TTC34: variants seen among roughly 807,000 people sequenced by gnomAD.
The protein encoded by TTC34 is tetratricopeptide repeat domain 34.
Under a neutral mutation model 40.7 loss-of-function variants are expected in TTC34, and 44 were observed. The ratio of observed to expected loss-of-function variants is 1.08; its 90% CI spans 0.85 to 1.39. The LOEUF (loss-of-function observed/expected upper bound fraction) is 1.39, where lower values mean the gene tolerates loss of function less well. Among genes scored for constraint, TTC34 ranks in the 40% most tolerant of loss-of-function variants. The pLI, the probability that TTC34 is intolerant of heterozygous loss-of-function variation, is 0.00. For synonymous variants in TTC34, 422 were observed against 398.6 expected, an observed-to-expected ratio of 1.06 and a Z score of -0.70; for missense variants, 884 against 838.0, an observed-to-expected ratio of 1.05 and a Z score of -0.68.
intron 6 of TTC34, among the ~76,000 whole-genome samples, chr1:2,684,509 A>C (rs1640229011): frequency 6.8e-6 from 1 of 147,248 alleles, no homozygotes; most frequent in African/African-American, 2.6e-5. Flanking sequence ...CTGGAACGGC[A>C]CCCACACCCC....
At chr1:2,750,150 A>C (rs1641267594) in intron 6 of TTC34, among the ~76,000 whole-genome samples, 1 of 151,288 alleles carries the variant, frequency 6.6e-6, no homozygotes, top group African/African-American at 2.4e-5. Context: ...GACAGCGTGG[A>C]GCAGAACAAA....
intron 6 of TTC34, among the ~76,000 whole-genome samples, chr1:2,688,710 C>A (rs550409488): frequency 8.1e-6 from 1 of 122,968 alleles, no homozygotes; most frequent in Non-Finnish European, 1.6e-5. Context: ...GAGCATCTGA[C>A]AGCCTGGAAC....
intron 3 of TTC34, among the ~76,000 whole-genome samples, chr1:2,788,821 C>T (rs1002332503): frequency 6.6e-6 from 1 of 152,178 alleles, no homozygotes; most frequent in African/African-American, 2.4e-5. Flanking sequence ...AGGCCAGGCG[C>T]GGTGGCTCAC....
intron 2 of TTC34, among the ~76,000 whole-genome samples, chr1:2,790,962 G>A (rs1024373912): frequency 2.1e-4 from 32 of 152,284 alleles, no homozygotes; most frequent in African/African-American, 5.5e-4. Context: ...AGTCTCCTGC[G>A]TCTGTTCCCT....
At chr1:2,751,113 AAC>A (rs1641304673) in intron 6 of TTC34, among the ~76,000 whole-genome samples, 1 of 93,094 alleles carries the variant, frequency 1.1e-5, no homozygotes, top group Non-Finnish European at 2.0e-5. Context: ...GACAGCCTGG[AAC>A]AGCACCCTGT....
At position 2,645,348 on chromosome 1, in the gene TTC34, G is replaced by A. The variant is rs950941829; in HGVS notation, c.2442C>T (p.Ile814=). ...GGTGCCAGTGCGGTTGCCCTGAGTC[G>A]ATTTTGATCAGCGCCTCCCCCACAG... Residue 814 remains isoleucine (I), a synonymous_variant, in exon 7 of 9, where the codon ATC becomes ATT. Coordinates refer to ENST00000401095, the Ensembl canonical transcript of TTC34. This position sits in a 1 kb window ranked among gnomAD's most constrained non-coding sequence, Gnocchi z 4.7. 9.8e-6 allele frequency: 15 copies of A among 1,527,836 alleles called. No homozygotes were observed. The Middle Eastern group carries it at 6.7e-4, about 68-fold the overall frequency. 94.6% of individuals were successfully genotyped at this position (1,527,836 alleles called of 1,614,324 possible). A position where few individuals can be genotyped will look rare whatever the true frequency, so the allele number is the denominator to read the frequency against.
At chr1:2,641,853 G>A (rs1337559503) in exon 9 of TTC34, 2 of 1,515,370 alleles carry the variant, frequency 1.3e-6, no homozygotes, top group African/African-American at 2.8e-5. Flanking sequence ...GCCTGCCTGG[G>A]TTGCCCTGCG....
rs1317025645 is a variant in TTC34 at position 2,749,317 on chromosome 1, C to T, written c.2226+34292G>A. Among the ~76,000 whole-genome samples, 4 of 78,008 alleles carry T rather than the reference C, an allele frequency of 5.1e-5. 1 individual carries two copies. The highest frequency in any genetic ancestry group is 3.4e-4 in the Admixed American group (3 of 8,736). The allele number at this position is 78,008 out of a possible 152,430, so 51.2% of individuals were successfully genotyped here. A position where few individuals can be genotyped will look rare whatever the true frequency, so the allele number is the denominator to read the frequency against. On this transcript the variant is annotated intron_variant, in intron 6 of 8. Coordinates refer to ENST00000401095, the Ensembl canonical transcript of TTC34. ...AGCATCGGAGAGTCTGGAACAGAACCCACACCCACAGGTGAGCATCTGACA... is the reference window on the plus strand; with the variant it reads ...AGCATCGGAGAGTCTGGAACAGAACTCACACCCACAGGTGAGCATCTGACA...
At chr1:2,752,061 C>T (rs1246473127) in intron 6 of TTC34, among the ~76,000 whole-genome samples, 1 of 106,840 alleles carries the variant, frequency 9.4e-6, no homozygotes, top group Non-Finnish European at 1.8e-5. Flanking sequence ...CCCAGGCGAA[C>T]ATCTGAACGC....
At chr1:2,699,048 C>A (rs571079840) in intron 6 of TTC34, among the ~76,000 whole-genome samples, 1 of 123,392 alleles carries the variant, frequency 8.1e-6, no homozygotes, top group Non-Finnish European at 1.8e-5. Flanking sequence ...GAAGCACCCA[C>A]AACCACAGGT....
At chr1:2,784,878 A>G (rs1355335809) in intron 5 of TTC34, among the ~76,000 whole-genome samples, 1 of 152,146 alleles carries the variant, frequency 6.6e-6, no homozygotes, top group Admixed American at 6.5e-5. Flanking sequence ...TCTTTTGCCC[A>G]CAACCCCTCG....
intron 6 of TTC34, among the ~76,000 whole-genome samples, chr1:2,749,555 C>T (rs1355516840): frequency 1.4e-4 from 10 of 68,990 alleles, no homozygotes; most frequent in Non-Finnish European, 2.4e-4. Flanking sequence ...CAAATAGCAG[C>T]ACCCACACCC....
Position 2,684,593 on chromosome 1 carries a change from A to G in TTC34, c.2227-39030T>C, listed in dbSNP as rs551150866. ...CATCCGATAGCCTGGAGCAACACCC[A>G]TACCCCCAGGTGAGCATCTGACCGC... On this transcript the variant is annotated intron_variant, in intron 6 of 8. Transcript: ENST00000401095. Among the ~76,000 whole-genome samples, 212 of 127,376 alleles carry G rather than the reference A, an allele frequency of 1.7e-3. 4 individuals are homozygous for G. The highest frequency in any genetic ancestry group is 5.1e-3 in the Middle Eastern group (1 of 196). 83.6% of individuals were successfully genotyped at this position (127,376 alleles called of 152,430 possible). A position where few individuals can be genotyped will look rare whatever the true frequency, so the allele number is the denominator to read the frequency against.
At chr1:2,685,135 G>C (rs1640268765) in intron 6 of TTC34, among the ~76,000 whole-genome samples, 2 of 143,620 alleles carry the variant, frequency 1.4e-5, no homozygotes, top group Non-Finnish European at 3.0e-5. Flanking sequence ...GCGAGCATCG[G>C]ACGGCCTGGA....
At chr1:2,641,812 G>C in exon 9 of TTC34, 1 of 1,534,794 alleles carries the variant, frequency 6.5e-7, no homozygotes, top group African/African-American at 1.4e-5. Flanking sequence ...TGCTGCCACT[G>C]GCCAGGACAG....
chr1:2,693,339 CG>C (rs1640713980), intron 6 of TTC34, among the ~76,000 whole-genome samples: 1 of 103,428 alleles, frequency 9.7e-6, no homozygotes, highest in African/African-American at 3.3e-5. Context: ...TGGAACAGCA[CG>C]CACACCCCCA....
At chr1:2,676,840 C>G (rs1639919631) in intron 6 of TTC34, among the ~76,000 whole-genome samples, 1 of 56,908 alleles carries the variant, frequency 1.8e-5, no homozygotes, top group African/African-American at 7.5e-5. Flanking sequence ...TGGAACAGCA[C>G]CCACACCCCC....
chr1:2,769,784 G>C (rs1293814895), intron 6 of TTC34, among the ~76,000 whole-genome samples: 2 of 7,656 alleles, frequency 2.6e-4, no homozygotes, highest in Non-Finnish European at 5.6e-4. Context: ...GTGGAGCAGC[G>C]CCCACACCCC....
At chr1:2,772,918 G>A (rs1448259163) in intron 6 of TTC34, among the ~76,000 whole-genome samples, 11 of 107,500 alleles carry the variant, frequency 1.0e-4, no homozygotes, top group African/African-American at 3.4e-5. Context: ...GCATTCGACA[G>A]CCTGGAACAG....
Sources: allele counts gnomAD v4.1 joint callset (sites outside exome capture counted in the v4.1 genomes callset), GRCh38; gene constraint gnomAD v4.1.1; non-coding constraint Gnocchi (gnomAD v3.1); transcripts MANE v1.5; gene names NCBI Gene and HGNC (gene_info 2026-07-23, HGNC 2026-07-21).